Variants in PTPN6 observed in about 807,000 individuals in gnomAD.
The protein encoded by PTPN6 is tyrosine-protein phosphatase non-receptor type 6.
Under a neutral mutation model 81.5 loss-of-function variants are expected in PTPN6, and 18 were observed. The observed-to-expected ratio is 0.22, with a 90% CI of 0.15 to 0.33. The LOEUF is 0.33. Ranked by LOEUF, PTPN6 falls within the 10% of genes least tolerant of loss-of-function variation. The pLI is 1.00. For missense variants in PTPN6, 500 were observed against 794.2 expected (o/e 0.63, Z 4.45); for synonymous variants, 301 against 310.9 (o/e 0.97, Z 0.33).
In PTPN6 at chr12:6,960,264, G is replaced by GT; in HGVS notation, c.1581+25_1581+26insT. ...GGTGCGTGCAGAGCAGGGCCTGGGGGGGGGGGGGGCTGCAGTGCAGGATGG... is the reference window on the plus strand; with the variant it reads ...GGTGCGTGCAGAGCAGGGCCTGGGGGTGGGGGGGGGCTGCAGTGCAGGATGG... On this transcript the variant is annotated intron_variant, in intron 13 of 15. Transcript: ENST00000318974. This position sits in a 1 kb window ranked among gnomAD's most constrained non-coding sequence, Gnocchi z 6.1. 2.6e-6 allele frequency: 4 copies of GT among 1,543,070 alleles called. No homozygotes were observed. Among genetic ancestry groups the GT allele is most frequent in the East Asian group, 2.4e-5 (1 of 42,176 alleles).
At chr12:6,958,284 T>C (rs1946068340) in intron 11 of PTPN6, among the ~76,000 whole-genome samples, 1 of 152,184 alleles carries the variant, frequency 6.6e-6, no homozygotes, top group South Asian at 2.1e-4. Flanking sequence ...TGTGGGTATC[T>C]TCCTCAGAGC....
chr12:6,956,090 G>A lies in PTPN6; in HGVS notation c.845-52G>A. 3 of 1,579,302 alleles carry A rather than the reference G, an allele frequency of 1.9e-6. No individual in the cohort carries two copies. Among genetic ancestry groups the A allele is most frequent in the Admixed American group, 1.7e-5 (1 of 59,886 alleles). ...CTCAGGAGGGTCTGACCCAGGTGTG[G>A]TGAGTCCCTGGCTAACCCAGACCAT... is the stretch of plus-strand genomic sequence containing the variant. On this transcript the variant is annotated intron_variant, in intron 7 of 15. Transcript: ENST00000318974. The surrounding 1 kb of genome is among the most constrained non-coding windows in gnomAD (Gnocchi z 4.1).
rs1855030043 is a variant in PTPN6, at chr12:6,952,162, A to T, written c.311A>T (p.Asp104Val). 1 of 1,613,662 alleles carries T rather than the reference A, an allele frequency of 6.2e-7. No individual in the cohort carries two copies. The highest frequency in any genetic ancestry group is 1.1e-5 in the South Asian group (1 of 91,054). ...CTCAAGTACCCGCTGAACTGCTCCG[A>T]TCCCACTAGTGAGAGGTGAGGGCTC... Reference protein sequence around the residue: ...IHLKYPLNCSDPTSERWYHGH... With the variant: ...IHLKYPLNCSVPTSERWYHGH... Residue 104 changes from aspartate to valine, a missense_variant, in exon 3 of 16, where the codon GAT becomes GTT. Transcript: ENST00000318974. The surrounding 1 kb of genome is among the most constrained non-coding windows in gnomAD (Gnocchi z 8.1).
At position 6,954,970 on chromosome 12, in the gene PTPN6, C is replaced by T; in HGVS notation, c.492C>T (p.Val164=). ...PKAGPGSPLR[V]THIKVMCEGG... ...CTGGCCCAGGCTCCCCGCTCAGGGT[C>T]ACCCACATCAAGGTCATGTGCGAGG... The change falls in exon 4 of 16, where the codon GTC becomes GTT. Residue 164 remains valine (V), a synonymous_variant. Coordinates refer to ENST00000318974, the MANE Select transcript of PTPN6 (RefSeq NM_002831.6). This position sits in a 1 kb window ranked among gnomAD's most constrained non-coding sequence, Gnocchi z 5.4. 1 of 1,614,108 alleles carries T rather than the reference C, an allele frequency of 6.2e-7. No individual in the cohort carries two copies. Among genetic ancestry groups the T allele is most frequent in the Non-Finnish European group, 8.5e-7 (1 of 1,180,040 alleles).
rs1945939019 is a variant in PTPN6 at position 6,952,204 on chromosome 12, C to A, written c.326+27C>A. 1 of 1,612,524 alleles carries A rather than the reference C, an allele frequency of 6.2e-7. No individual in the cohort carries two copies. Among genetic ancestry groups the A allele is most frequent in the African/African-American group, 1.3e-5 (1 of 74,998 alleles). On this transcript the variant is annotated intron_variant, in intron 3 of 15. Coordinates refer to ENST00000318974, the MANE Select transcript of PTPN6 (RefSeq NM_002831.6). The surrounding 1 kb of genome is among the most constrained non-coding windows in gnomAD (Gnocchi z 8.1). ...TGAGGGCTCCGCACCCCCGCCATTC[C>A]CAAGCAGGGATGAGCCGGCTCCCAC... is the stretch of plus-strand genomic sequence containing the variant.
upstream of PTPN6, among the ~76,000 whole-genome samples, chr12:6,948,521 AAAGAAG>A (rs1416193051): frequency 6.6e-6 from 1 of 151,642 alleles, no homozygotes; most frequent in Non-Finnish European, 1.5e-5. Context: ...AAAGAGCGAG[AAAGAAG>A]AAAGAAAAGG....
At chr12:6,950,124 G>A (rs1945900492), upstream of PTPN6, among the ~76,000 whole-genome samples, 2 of 147,276 alleles carry the variant, frequency 1.4e-5, no homozygotes, top group South Asian at 4.4e-4. Context: ...TCCAGATAGA[G>A]ACAAAGAGCC....
At position 6,951,398 on chromosome 12, in the gene PTPN6, A is replaced by G. The variant is rs2138258223; in HGVS notation, c.-115A>G. The G allele has an allele frequency of 6.5e-7, 1 of 1,548,918 alleles. No individual in the cohort carries two copies. The highest frequency in any genetic ancestry group is 8.7e-7 in the Non-Finnish European group (1 of 1,147,342). ...AGAACTGGGACCACCGGGGGTGGTG[A>G]GGCGGCCCGGCACTGGGAGCTGCAT... is the stretch of plus-strand genomic sequence containing the variant. On this transcript the variant is annotated 5_prime_UTR_variant, in exon 1 of 16. Transcript: ENST00000318974. The surrounding 1 kb of genome is among the most constrained non-coding windows in gnomAD (Gnocchi z 7.2).
At position 6,961,064 on chromosome 12, in the gene PTPN6, C is replaced by T; in HGVS notation, c.*26-62C>T. The T allele has an allele frequency of 2.1e-6, 3 of 1,461,940 alleles. No homozygotes were observed. The South Asian group carries it at 3.8e-5, about 18-fold the overall frequency. The allele number at this position is 1,461,940 out of a possible 1,614,324, so 90.6% of individuals were successfully genotyped here. On this transcript the variant is annotated intron_variant, in intron 15 of 15. Transcript: ENST00000318974. ...TCTGTGCTTCCCAGCTGCCCCAGACCCTCTTGTTCCACCTCCAGGTTCCAG... is the reference window on the plus strand; with the variant it reads ...TCTGTGCTTCCCAGCTGCCCCAGACTCTCTTGTTCCACCTCCAGGTTCCAG...
chr12:6,946,769 T>C (rs1555146866), upstream of PTPN6: 1 of 1,604,244 alleles, frequency 6.2e-7, no homozygotes, highest in Middle Eastern at 1.7e-4. Flanking sequence ...GGGGTCCCAG[T>C]CTCCTGTTAG....
In PTPN6 at chr12:6,960,287, T is replaced by C. The variant is rs1946113103; in HGVS notation, c.1581+48T>C. Reference sequence around the variant, plus strand: ...GGGGGGGGGGGGCTGCAGTGCAGGATGGGTGCCACCTGGCCCTGCTGGGAC... The same window carrying C: ...GGGGGGGGGGGGCTGCAGTGCAGGACGGGTGCCACCTGGCCCTGCTGGGAC... On this transcript the variant is annotated intron_variant, in intron 13 of 15. Transcript: ENST00000318974. The surrounding 1 kb of genome is among the most constrained non-coding windows in gnomAD (Gnocchi z 6.1). 6.2e-7 allele frequency: 1 copy of C among 1,603,354 alleles called. No homozygotes were observed. Among genetic ancestry groups the C allele is most frequent in the South Asian group, 1.1e-5 (1 of 90,820 alleles).
In PTPN6 at chr12:6,952,147, C is replaced by T. The variant is rs1555147885; in HGVS notation, c.296C>T (p.Pro99Leu). The change falls in exon 3 of 16, where the codon CCG becomes CTG. Residue 99 changes from proline (P) to leucine (L), a missense_variant. Physicochemically the swap from Pro to Leu is moderately conservative, Grantham distance 98 (BLOSUM62 -3). Coordinates refer to ENST00000318974, the MANE Select transcript of PTPN6 (RefSeq NM_002831.6). This position sits in a 1 kb window ranked among gnomAD's most constrained non-coding sequence, Gnocchi z 8.1. ...GGCACCATCATCCACCTCAAGTACCCGCTGAACTGCTCCGATCCCACTAGT... is the reference window on the plus strand; with the variant it reads ...GGCACCATCATCCACCTCAAGTACCTGCTGAACTGCTCCGATCCCACTAGT... ...RDGTIIHLKY[P>L]LNCSDPTSER... is the part of the protein sequence containing the mutation. The T allele has an allele frequency of 1.2e-6, 2 of 1,614,010 alleles. No individual in the cohort carries two copies. Among genetic ancestry groups the T allele is most frequent in the Non-Finnish European group, 1.7e-6 (2 of 1,180,042 alleles).
At chr12:6,946,674 C>G, upstream of PTPN6, 3 of 1,529,042 alleles carry the variant, frequency 2.0e-6, no homozygotes, top group Non-Finnish European at 2.7e-6. Context: ...GCCGCTGGCT[C>G]AGCCCCGCCC....
upstream of PTPN6, among the ~76,000 whole-genome samples, chr12:6,949,090 C>T (rs200095258): frequency 3.9e-5 from 6 of 152,244 alleles, no homozygotes; most frequent in East Asian, 5.8e-4. Context: ...TTGTCACTGT[C>T]GGCCCCACCG....
In PTPN6 at chr12:6,951,463, G is replaced by C; in HGVS notation, c.-50G>C. On this transcript the variant is annotated 5_prime_UTR_variant, in exon 1 of 16. Coordinates refer to ENST00000318974, the MANE Select transcript of PTPN6 (RefSeq NM_002831.6). This position sits in a 1 kb window ranked among gnomAD's most constrained non-coding sequence, Gnocchi z 7.2. ...CTGAGCTCTCTGCCTGCCCAGACTA[G>C]CTGCACCTCCTCATTCCCTGCGCCC... The C allele has an allele frequency of 6.2e-7, 1 of 1,612,796 alleles. No individual in the cohort carries two copies. The highest frequency in any genetic ancestry group is 1.3e-5 in the African/African-American group (1 of 74,996).
Position 6,957,532 on chromosome 12 carries a change from CCCATCCGT to C in PTPN6, c.1075-115_1075-108del, listed in dbSNP as rs1308612899. On this transcript the variant is annotated intron_variant, in intron 9 of 15. Transcript: ENST00000318974. This position sits in a 1 kb window ranked among gnomAD's most constrained non-coding sequence, Gnocchi z 6.5. ...CCCAGGTCTCCTGCCTCTCTGCCAGCCCATCCGTCCATCCAACAAATGTTTGGGCCGGT... is the reference window on the plus strand; with the variant it reads ...CCCAGGTCTCCTGCCTCTCTGCCAGCCCATCCAACAAATGTTTGGGCCGGT... 6.0e-6 allele frequency: 8 copies of C among 1,330,648 alleles called. No homozygotes were observed. The highest frequency in any genetic ancestry group is 1.3e-5 in the South Asian group (1 of 78,692). The allele number at this position is 1,330,648 out of a possible 1,614,324, so 82.4% of individuals were successfully genotyped here.
Position 6,955,637 on chromosome 12 carries a change from T to G in PTPN6, c.748-23T>G. 6.2e-7 allele frequency: 1 copy of G among 1,610,706 alleles called. No individual in the cohort carries two copies. Among genetic ancestry groups the G allele is most frequent in the Non-Finnish European group, 8.5e-7 (1 of 1,177,208 alleles). ...GGATGCCCTCTTTGGGAGCTGATGC[T>G]CATTTCCCCACCCACATCTCAGAGT... On this transcript the variant is annotated intron_variant, in intron 6 of 15. Transcript: ENST00000318974. The surrounding 1 kb of genome is among the most constrained non-coding windows in gnomAD (Gnocchi z 7.2).
upstream of PTPN6, chr12:6,951,307 G>A (rs931693108): frequency 5.4e-6 from 8 of 1,488,704 alleles, no homozygotes; most frequent in Non-Finnish European, 7.1e-6. This position sits in a 1 kb window ranked among gnomAD's most constrained non-coding sequence, Gnocchi z 7.2. Flanking sequence ...TTCCCCCAAG[G>A]GGTCGGCCGC....
upstream of PTPN6, chr12:6,951,327 T>G: frequency 6.6e-7 from 1 of 1,508,968 alleles, no homozygotes; most frequent in East Asian, 2.5e-5. This position sits in a 1 kb window ranked among gnomAD's most constrained non-coding sequence, Gnocchi z 7.2. Flanking sequence ...CGCCTCTTCC[T>G]GTCCCCGCCC....
Sources: gnomAD v4.1 joint callset for allele counts (sites outside exome capture counted in the v4.1 genomes callset) on GRCh38, gnomAD v4.1.1 for gene constraint, Gnocchi (gnomAD v3.1) non-coding constraint, MANE v1.5 for transcripts, NCBI Gene and HGNC (gene_info 2026-07-23, HGNC 2026-07-21) for gene names.